The following L2HGDH variants were observed in gnomAD, a reference collection of about 807,000 sequenced individuals.
L2HGDH encodes L-2-hydroxyglutarate dehydrogenase, mitochondrial.
In L2HGDH, 34 loss-of-function variants were observed where a neutral mutation model predicts 51.5. The ratio of observed to expected loss-of-function variants is 0.66; its 90% CI spans 0.50 to 0.88. The LOEUF is 0.88. Among genes scored for constraint, L2HGDH ranks in the 40% least tolerant of loss-of-function variants. The probability of loss-of-function intolerance (pLI) is 0.00; values close to 1 mark genes in which losing one functional copy is unlikely to be tolerated. For missense variants in L2HGDH, 558 were observed against 571.9 expected, an observed-to-expected ratio of 0.98 and a Z score of 0.25; for synonymous variants, 198 against 197.9, an observed-to-expected ratio of 1.00 and a Z score of -0.01.
In L2HGDH at chr14:50,243,584, TA is replaced by T; in HGVS notation, c.*3473del. ...CAAAAAAACCCTATTGACATACATATAAAACGTTTTACAAGCAGAATAACCT... is the reference window on the plus strand; with the variant it reads ...CAAAAAAACCCTATTGACATACATATAAACGTTTTACAAGCAGAATAACCT... On this transcript the variant is annotated 3_prime_UTR_variant, in exon 10 of 10. Coordinates refer to ENST00000267436, the MANE Select transcript of L2HGDH (RefSeq NM_024884.3). 1 of 825,010 alleles carries T rather than the reference TA, an allele frequency of 1.2e-6. No homozygotes were observed. The highest frequency in any genetic ancestry group is 1.5e-6 in the Non-Finnish European group (1 of 684,322). The allele number at this position is 825,010 out of a possible 1,614,324, so 51.1% of individuals were successfully genotyped here. A position where few individuals can be genotyped will look rare whatever the true frequency, so the allele number is the denominator to read the frequency against.
At chr14:50,309,556 C>T (rs1255188944) in intron 1 of L2HGDH, among the ~76,000 whole-genome samples, 3 of 112,104 alleles carry the variant, frequency 2.7e-5, no homozygotes, top group East Asian at 2.8e-4. Flanking sequence ...AGCGAGACTT[C>T]GTGTTAAAAA....
At chr14:50,303,429 G>A (rs1386592149) in intron 1 of L2HGDH, among the ~76,000 whole-genome samples, 1 of 149,548 alleles carries the variant, frequency 6.7e-6, no homozygotes, top group African/African-American at 2.5e-5. Flanking sequence ...GCAATGTATT[G>A]GGCCCTGTGC....
chr14:50,257,110 G>A (rs1309164395), intron 9 of L2HGDH, among the ~76,000 whole-genome samples: 1 of 151,930 alleles, frequency 6.6e-6, no homozygotes, highest in Non-Finnish European at 1.5e-5. Context: ...TGTATTTTTA[G>A]TAAAGACGGG....
At chr14:50,278,614 T>A in intron 5 of L2HGDH, 60 bp from the exon 6 acceptor site, 2 of 880,210 alleles carry the variant, frequency 2.3e-6, no homozygotes, top group South Asian at 1.5e-5. Flanking sequence ...TTATTTGAAA[T>A]ATCATACTAG....
chr14:50,307,044 G>A (rs2030772774), intron 1 of L2HGDH, among the ~76,000 whole-genome samples: 1 of 152,030 alleles, frequency 6.6e-6, no homozygotes, highest in Non-Finnish European at 1.5e-5. Flanking sequence ...TCAAACTCCT[G>A]ACCTCAGGTG....
chr14:50,268,661 C>G (rs1889493745), intron 7 of L2HGDH, among the ~76,000 whole-genome samples: 1 of 152,158 alleles, frequency 6.6e-6, no homozygotes, highest in Admixed American at 6.5e-5. Flanking sequence ...TAGCCGAATA[C>G]TGACTATTTC....
At chr14:50,307,107 C>T (rs556794079) in intron 1 of L2HGDH, among the ~76,000 whole-genome samples, 2 of 152,098 alleles carry the variant, frequency 1.3e-5, no homozygotes, top group African/African-American at 2.4e-5. Context: ...TGAGCCACTG[C>T]GCCTGGCCCC....
chr14:50,249,303 C>CA (rs1290864836), intron 9 of L2HGDH, among the ~76,000 whole-genome samples: 1 of 152,172 alleles, frequency 6.6e-6, no homozygotes, highest in Admixed American at 6.5e-5. Flanking sequence ...ACTAGGGTGG[C>CA]ATGTGATCTA....
rs1887917205 is a variant in L2HGDH, at chr14:50,244,445, A to G, written c.*2613T>C. The G allele has an allele frequency of 3.0e-6, 3 of 984,702 alleles. No individual in the cohort carries two copies. Among genetic ancestry groups the G allele is most frequent in the African/African-American group, 1.7e-5 (1 of 57,370 alleles). 61.0% of individuals were successfully genotyped at this position (984,702 alleles called of 1,614,324 possible). ...ATTCAATGTTTACAACTTAGTATGTATGCAATCGTACTACTGACAAAATAC... is the reference window on the plus strand; with the variant it reads ...ATTCAATGTTTACAACTTAGTATGTGTGCAATCGTACTACTGACAAAATAC... On this transcript the variant is annotated 3_prime_UTR_variant, in exon 10 of 10. Coordinates refer to ENST00000267436, the MANE Select transcript of L2HGDH (RefSeq NM_024884.3).
chr14:50,246,703 C>A lies in L2HGDH; in HGVS notation c.*355G>T. On this transcript the variant is annotated 3_prime_UTR_variant, in exon 10 of 10. Coordinates refer to ENST00000267436, the MANE Select transcript of L2HGDH (RefSeq NM_024884.3). ...TGCCTTGGCTTCCCAAAGTGCTGGCCACGGCCCCCAGCCTAACATTTTGAA... is the reference window on the plus strand; with the variant it reads ...TGCCTTGGCTTCCCAAAGTGCTGGCAACGGCCCCCAGCCTAACATTTTGAA... The A allele has an allele frequency of 5.5e-6, 1 of 182,340 alleles. No individual in the cohort carries two copies. The highest frequency in any genetic ancestry group is 1.2e-5 in the Non-Finnish European group (1 of 86,342). 11.3% of individuals were successfully genotyped at this position (182,340 alleles called of 1,614,324 possible). A position where few individuals can be genotyped will look rare whatever the true frequency, so the allele number is the denominator to read the frequency against.
chr14:50,308,281 T>A (rs1484411450), intron 1 of L2HGDH, among the ~76,000 whole-genome samples: 2 of 151,650 alleles, frequency 1.3e-5, no homozygotes, highest in Admixed American at 1.3e-4. Context: ...TCCCAGCTAC[T>A]CGGGAGGCTG....
rs1887878902 is a variant in L2HGDH, at chr14:50,243,572, T to C, written c.*3486A>G. The stretch of plus-strand genomic sequence containing the variant: ...ATCAGTATTAAACAAAAAAACCCTA[T>C]TGACATACATATAAAACGTTTTACA... On this transcript the variant is annotated 3_prime_UTR_variant, in exon 10 of 10. Coordinates refer to ENST00000267436, the MANE Select transcript of L2HGDH (RefSeq NM_024884.3). 3.8e-6 allele frequency: 3 copies of C among 791,694 alleles called. No individual in the cohort carries two copies. The highest frequency in any genetic ancestry group is 1.2e-4 in the South Asian group (2 of 17,162). The allele number at this position is 791,694 out of a possible 1,614,324, so 49.0% of individuals were successfully genotyped here.
chr14:50,256,191 T>C (rs932780147), intron 9 of L2HGDH, among the ~76,000 whole-genome samples: 2 of 152,074 alleles, frequency 1.3e-5, no homozygotes, highest in Non-Finnish European at 2.9e-5. Context: ...GACAATCTAG[T>C]ATTTTATAAA....
At chr14:50,289,684 T>C (rs1286962286) in intron 4 of L2HGDH, among the ~76,000 whole-genome samples, 1 of 152,194 alleles carries the variant, frequency 6.6e-6, no homozygotes, top group East Asian at 1.9e-4. Context: ...AAAAAGCATA[T>C]AATAATATAT....
At chr14:50,263,471 G>C (rs984312431) in intron 9 of L2HGDH, among the ~76,000 whole-genome samples, 1 of 152,190 alleles carries the variant, frequency 6.6e-6, no homozygotes, top group Non-Finnish European at 1.5e-5. Context: ...GCTCCCCTAA[G>C]AGAGACAGCT....
Position 50,301,938 on chromosome 14 carries a change from T to A in L2HGDH, c.408+79A>T, listed in dbSNP as rs2030432489. ...ACATAGATACAAAGAAAAAAATACA[T>A]TTTTAAAAAATGTAATATTAAACAT... is the stretch of plus-strand genomic sequence containing the variant. On this transcript the variant is annotated intron_variant, in intron 3 of 9. Transcript: ENST00000267436. 3 of 1,440,624 alleles carry A rather than the reference T, an allele frequency of 2.1e-6. No homozygotes were observed. In the Admixed American group the frequency reaches 5.2e-5, roughly 25 times the overall value. The allele number at this position is 1,440,624 out of a possible 1,614,324, so 89.2% of individuals were successfully genotyped here. A position where few individuals can be genotyped will look rare whatever the true frequency, so the allele number is the denominator to read the frequency against.
chr14:50,246,767 G>T lies in L2HGDH; in HGVS notation c.*291C>A. On this transcript the variant is annotated 3_prime_UTR_variant, in exon 10 of 10. Coordinates refer to ENST00000267436, the MANE Select transcript of L2HGDH (RefSeq NM_024884.3). ...ATTATTTTCTTGCTCTGTCACCCAG[G>T]CTGGAGTGCAGTGGTGCAATCTCAG... 3.6e-6 allele frequency: 1 copy of T among 276,874 alleles called. No individual in the cohort carries two copies. The allele number at this position is 276,874 out of a possible 1,614,324, so 17.2% of individuals were successfully genotyped here. A position where few individuals can be genotyped will look rare whatever the true frequency, so the allele number is the denominator to read the frequency against.
chr14:50,288,442 T>G (rs532221525), intron 4 of L2HGDH, among the ~76,000 whole-genome samples: 1 of 152,330 alleles, frequency 6.6e-6, no homozygotes, highest in East Asian at 1.9e-4. Context: ...AGGCTGGTTT[T>G]AGCCAGCTTG....
At chr14:50,261,535 G>A (rs1889022631) in intron 9 of L2HGDH, among the ~76,000 whole-genome samples, 1 of 152,084 alleles carries the variant, frequency 6.6e-6, no homozygotes, top group Non-Finnish European at 1.5e-5. Flanking sequence ...CAGGCTGGAG[G>A]ACAGTAGTGC....
Sources: gnomAD v4.1 joint callset for allele counts (sites outside exome capture counted in the v4.1 genomes callset) on GRCh38, gnomAD v4.1.1 for gene constraint, MANE v1.5 for transcripts, NCBI Gene and HGNC (gene_info 2026-07-23, HGNC 2026-07-21) for gene names.